The following DNAH11 variants were observed in gnomAD, a reference collection of about 807,000 sequenced individuals.
DNAH11 encodes the protein dynein axonemal heavy chain 11, also known as axonemal beta dynein heavy chain 11.
In DNAH11, 442 loss-of-function variants were observed where a neutral mutation model predicts 526.0. The ratio of observed to expected loss-of-function variants is 0.84; its 90% CI spans 0.78 to 0.91. The LOEUF is 0.91. Among genes scored for constraint, DNAH11 ranks in the 40% least tolerant of loss-of-function variants. DNAH11 has a pLI of 0.00. For synonymous variants in DNAH11, 2,461 were observed against 1,935.9 expected, an observed-to-expected ratio of 1.27 and a Z score of -7.12; for missense variants, 6,989 against 5,448.7, an observed-to-expected ratio of 1.28 and a Z score of -8.90.
intron 65 of DNAH11, among the ~76,000 whole-genome samples, chr7:21,827,671 G>A (rs1790365383): frequency 6.6e-6 from 1 of 151,692 alleles, no homozygotes; most frequent in Non-Finnish European, 1.5e-5. Context: ...TACAGAAATA[G>A]AGGGAGATGG....
chr7:21,591,139 AG>A, intron 13 of DNAH11, 45 bp from the exon 14 acceptor site: 1 of 1,526,002 alleles, frequency 6.6e-7, no homozygotes, highest in Non-Finnish European at 8.7e-7. Flanking sequence ...CAGAGAAAAT[AG>A]CTAACATATT....
At chr7:21,752,086 A>C (rs555379884) in intron 54 of DNAH11, among the ~76,000 whole-genome samples, 2 of 152,372 alleles carry the variant, frequency 1.3e-5, no homozygotes, top group Admixed American at 6.5e-5. Context: ...GGGTGGCCCC[A>C]GAAATCTGTC....
At chr7:21,823,346 C>T (rs537866949) in intron 65 of DNAH11, among the ~76,000 whole-genome samples, 60 of 152,190 alleles carry the variant, frequency 3.9e-4, no homozygotes, top group African/African-American at 1.4e-3. Context: ...TTCATACCTG[C>T]AGTTTCCTAT....
chr7:21,600,696 A>G lies in DNAH11; in HGVS notation c.3021A>G (p.Leu1007=). The G allele has an allele frequency of 6.2e-7, 1 of 1,612,074 alleles. No homozygotes were observed. Among genetic ancestry groups the G allele is most frequent in the Non-Finnish European group, 8.5e-7 (1 of 1,178,816 alleles). ...TTTAGAATGATATGGATAACATGTT[A>G]GGCCTGGCAGAGGTCAGGCAGGAGA... is the stretch of plus-strand genomic sequence containing the variant. ...KNYQNDMDNM[L]GLAEVRQEIM... is the part of the protein sequence containing the mutation. Residue 1007 remains leucine (L), a synonymous_variant, in exon 16 of 82, where the codon TTA becomes TTG. Transcript: ENST00000409508.
intron 73 of DNAH11, among the ~76,000 whole-genome samples, chr7:21,872,138 A>AAAAAAAAAAACAAAC (rs1554291073): frequency 7.8e-5 from 10 of 129,000 alleles, no homozygotes; most frequent in African/African-American, 3.1e-4. Context: ...AAAAAAAAAA[A>AAAAAAAAAAACAAAC]AAAAAAAAAA....
intron 80 of DNAH11, among the ~76,000 whole-genome samples, chr7:21,899,670 A>T (rs1355880177): frequency 6.6e-6 from 1 of 152,198 alleles, no homozygotes; most frequent in Non-Finnish European, 1.5e-5. Context: ...TAGCCAAGTG[A>T]GGTGGGGCAC....
chr7:21,752,524 ATTC>A (rs1173289982), intron 54 of DNAH11, among the ~76,000 whole-genome samples: 1 of 151,952 alleles, frequency 6.6e-6, no homozygotes, highest in Non-Finnish European at 1.5e-5. Context: ...TATTTTTCCT[ATTC>A]TTTTGTTTGT....
chr7:21,884,468 A>C (rs557509095), intron 76 of DNAH11, 58 bp downstream of exon 76: 15 of 1,514,182 alleles, frequency 9.9e-6, no homozygotes, highest in Non-Finnish European at 1.3e-5. Flanking sequence ...AATTCTGGTA[A>C]GAATTTTATA....
At chr7:21,681,071 G>A (rs77384536) in intron 30 of DNAH11, among the ~76,000 whole-genome samples, 2,409 of 152,070 alleles carry the variant, frequency 0.016, 60 homozygotes, top group African/African-American at 0.055. Context: ...TGTGTGAGGG[G>A]GTAATAATAT....
chr7:21,705,047 G>A (rs929602795), intron 38 of DNAH11, among the ~76,000 whole-genome samples: 16 of 152,112 alleles, frequency 1.1e-4, no homozygotes, highest in Non-Finnish European at 1.3e-4. Context: ...TCAAAGCCTC[G>A]TGCATATTTT....
At position 21,745,054 on chromosome 7, in the gene DNAH11, T is replaced by A; in HGVS notation, c.8501T>A (p.Met2834Lys). The change falls in exon 51 of 82, where the codon ATG (methionine) becomes AAG (lysine). Residue 2834 changes from methionine to lysine, a missense_variant. By Grantham distance (95) the Met-to-Lys change is moderately conservative (BLOSUM62 -1). Coordinates refer to ENST00000409508, the MANE Select transcript of DNAH11 (RefSeq NM_001277115.2). ...CACCTAGTTTTGTTTGAAGATGCCA[T>A]GCAACATGTGTGAGTTAACTAGTCA... ...AMHLVLFEDA[M>K]QHVCRISRIL... The A allele has an allele frequency of 2.7e-5, 44 of 1,606,036 alleles. No individual in the cohort carries two copies. Among genetic ancestry groups the A allele is most frequent in the Non-Finnish European group, 3.7e-5 (44 of 1,176,032 alleles).
At chr7:21,566,411 A>T (rs1356330768) in intron 6 of DNAH11, among the ~76,000 whole-genome samples, 1 of 152,180 alleles carries the variant, frequency 6.6e-6, no homozygotes, top group African/African-American at 2.4e-5. Context: ...CAATTAGCCA[A>T]TGTCCATAGC....
At chr7:21,813,826 G>T (rs1396826888) in intron 63 of DNAH11, among the ~76,000 whole-genome samples, 2 of 152,114 alleles carry the variant, frequency 1.3e-5, no homozygotes, top group Non-Finnish European at 2.9e-5. Flanking sequence ...GAACTTAAAG[G>T]GTTCCCTCTT....
chr7:21,547,826 T>C (rs972661324), intron 2 of DNAH11, among the ~76,000 whole-genome samples: 3 of 152,240 alleles, frequency 2.0e-5, no homozygotes, highest in African/African-American at 7.2e-5. Flanking sequence ...TTTATTTTTA[T>C]CTAAACCCTT....
chr7:21,695,103 CAA>C (rs1467755716), intron 35 of DNAH11, among the ~76,000 whole-genome samples: 1 of 152,054 alleles, frequency 6.6e-6, no homozygotes, highest in Non-Finnish European at 1.5e-5. Flanking sequence ...AGGACACAAA[CAA>C]ATAGAAAAGC....
At position 21,738,690 on chromosome 7, in the gene DNAH11, G is replaced by A. The variant is rs1785730503; in HGVS notation, c.7646-11G>A. 6 of 1,557,052 alleles carry A rather than the reference G, an allele frequency of 3.9e-6. No homozygotes were observed. Among genetic ancestry groups the A allele is most frequent in the Non-Finnish European group, 5.2e-6 (6 of 1,151,506 alleles). ...TGTTGATGGGTGGACAGAAATATAT[G>A]TTTATTTCAGAAATTCTTGAGAAAC... On this transcript the variant is annotated splice_polypyrimidine_tract_variant and intron_variant, in intron 46 of 81. Coordinates refer to ENST00000409508, the MANE Select transcript of DNAH11 (RefSeq NM_001277115.2).
intron 63 of DNAH11, among the ~76,000 whole-genome samples, chr7:21,816,132 G>A (rs1452672111): frequency 6.6e-6 from 1 of 152,082 alleles, no homozygotes; most frequent in Non-Finnish European, 1.5e-5. Context: ...TGCTCCATGG[G>A]CAAATATATT....
intron 8 of DNAH11, among the ~76,000 whole-genome samples, chr7:21,574,008 G>A (rs1326453491): frequency 6.6e-6 from 1 of 152,152 alleles, no homozygotes; most frequent in African/African-American, 2.4e-5. Context: ...TTGCTGCCGT[G>A]GTCCATTTAC....
At chr7:21,810,924 C>T (rs1034721691) in intron 63 of DNAH11, among the ~76,000 whole-genome samples, 4 of 152,170 alleles carry the variant, frequency 2.6e-5, no homozygotes, top group African/African-American at 9.6e-5. Flanking sequence ...AGAAATTCTA[C>T]TTCTCAGTAT....
Sources: allele counts gnomAD v4.1 joint callset (sites outside exome capture counted in the v4.1 genomes callset), GRCh38; gene constraint gnomAD v4.1.1; transcripts MANE v1.5; gene names NCBI Gene and HGNC (gene_info 2026-07-23, HGNC 2026-07-21).